Variants in ADGB observed in about 807,000 individuals in gnomAD.
The protein encoded by ADGB is calpain-7-like protein.
ADGB carries 172 observed loss-of-function variants against 210.5 expected under a neutral mutation model. The ratio of observed to expected loss-of-function variants is 0.82; its 90% confidence interval spans 0.72 to 0.93. The LOEUF (loss-of-function observed/expected upper bound fraction) is 0.93, where lower values mean the gene tolerates loss of function less well. Among genes scored for constraint, ADGB ranks in the 40% least tolerant of loss-of-function variants. The pLI is 0.00. For synonymous variants in ADGB, 658 were observed against 662.7 expected (o/e 0.99, Z 0.11); for missense variants, 2,025 against 1,964.8 (o/e 1.03, Z -0.58).
Position 146,724,325 on chromosome 6 carries a change from T to C in ADGB, c.2235T>C (p.Val745=), listed in dbSNP as rs1293920338. The C allele has an allele frequency of 3.9e-6, 6 of 1,531,276 alleles. No individual in the cohort carries two copies. The highest frequency in any genetic ancestry group is 5.3e-6 in the Non-Finnish European group (6 of 1,140,256). The allele number at this position is 1,531,276 out of a possible 1,614,324, so 94.9% of individuals were successfully genotyped here. Reference sequence around the variant, plus strand: ...AGGCTACAGTGGTTCGTCTGCCTGTTGGGTATGAAGTGGCTTCATTTTTCC... The same window carrying C: ...AGGCTACAGTGGTTCGTCTGCCTGTCGGGTATGAAGTGGCTTCATTTTTCC... The part of the protein sequence containing the change: ...ATKATVVRLP[V]GRHMLLFNAY... The change falls in exon 18 of 36, where the codon GTT becomes GTC. Residue 745 remains valine, a splice_region_variant and synonymous_variant. Coordinates refer to ENST00000397944, the MANE Select transcript of ADGB (RefSeq NM_024694.4).
chr6:146,599,200 C>T, intron 1 of ADGB, 86 bp downstream of exon 1: 1 of 1,279,012 alleles, frequency 7.8e-7, no homozygotes, highest in Non-Finnish European at 1.1e-6. Flanking sequence ...CTGCAGCAAA[C>T]TGTGCCAGGG....
chr6:146,683,502 A>C (rs1464005519), intron 9 of ADGB, among the ~76,000 whole-genome samples: 2 of 152,102 alleles, frequency 1.3e-5, no homozygotes, highest in Admixed American at 1.3e-4. Context: ...TAAATATTTA[A>C]AACTTCACCC....
intron 1 of ADGB, among the ~76,000 whole-genome samples, chr6:146,612,728 T>C (rs1780729490): frequency 6.6e-6 from 1 of 152,122 alleles, no homozygotes; most frequent in South Asian, 2.1e-4. Context: ...AGAATGGTCC[T>C]GCTCTTTTTA....
intron 3 of ADGB, among the ~76,000 whole-genome samples, chr6:146,653,904 A>G (rs770408035): frequency 1.3e-5 from 2 of 152,074 alleles, no homozygotes; most frequent in Non-Finnish European, 2.9e-5. Context: ...GAGAACTGAA[A>G]TCAGGGTGGC....
chr6:146,691,459 AAAAT>A (rs1355359035), intron 11 of ADGB, among the ~76,000 whole-genome samples, 169 bp downstream of exon 11: 2 of 44,746 alleles, frequency 4.5e-5, no homozygotes, highest in African/African-American at 4.8e-4. Flanking sequence ...TATATATATA[AAAAT>A]ATATATATAT....
chr6:146,622,651 G>A (rs912029684), intron 1 of ADGB, among the ~76,000 whole-genome samples: 19 of 151,948 alleles, frequency 1.3e-4, no homozygotes, highest in African/African-American at 1.9e-4. Flanking sequence ...TATACTTTTC[G>A]AATATTTTCT....
At chr6:146,748,245 A>G (rs755427574) in intron 26 of ADGB, among the ~76,000 whole-genome samples, 12 of 152,154 alleles carry the variant, frequency 7.9e-5, no homozygotes, top group Non-Finnish European at 1.6e-4. Flanking sequence ...GAAACCAGGT[A>G]AAAGCTTTGA....
chr6:146,760,420 T>C (rs1041006751), intron 27 of ADGB, among the ~76,000 whole-genome samples: 9 of 149,916 alleles, frequency 6.0e-5, no homozygotes, highest in African/African-American at 1.7e-4. Context: ...ATCCATGTTA[T>C]TGCATATAAC....
At chr6:146,672,534 T>C in intron 8 of ADGB, 67 bp downstream of exon 8, 1 of 1,450,722 alleles carries the variant, frequency 6.9e-7, no homozygotes, top group Non-Finnish European at 9.1e-7. Context: ...ACAATTTTAT[T>C]TGATGTGTTG....
In ADGB at chr6:146,801,279, G is replaced by A. The variant is rs911136358; in HGVS notation, c.4634G>A (p.Arg1545Gln). ...TTTATGGATTTAAGTCAATATGTTC[G>A]GTAAGTTTTCATAAACATGATTGAT... Reference protein sequence around the residue: ...LEFMDLSQYVRKTDTDPLLQT... With the variant: ...LEFMDLSQYVQKTDTDPLLQT... Residue 1545 changes from arginine to glutamine, a missense_variant and splice_region_variant, in exon 34 of 36, where the codon CGG becomes CAG. Arg to Gln is a conservative substitution (Grantham distance 43). Transcript: ENST00000397944. The A allele has an allele frequency of 1.4e-5, 20 of 1,467,062 alleles. No homozygotes were observed. The highest frequency in any genetic ancestry group is 1.2e-4 in the African/African-American group (8 of 68,702). The allele number at this position is 1,467,062 out of a possible 1,614,324, so 90.9% of individuals were successfully genotyped here. A position where few individuals can be genotyped will look rare whatever the true frequency, so the allele number is the denominator to read the frequency against.
intron 35 of ADGB, among the ~76,000 whole-genome samples, chr6:146,808,084 C>A (rs1778241112): frequency 6.9e-6 from 1 of 144,514 alleles, no homozygotes; most frequent in African/African-American, 2.5e-5. Context: ...TCTGCAACCT[C>A]TGCCTCCCAG....
chr6:146,705,757 T>C (rs1297858838), intron 13 of ADGB, among the ~76,000 whole-genome samples: 1 of 152,176 alleles, frequency 6.6e-6, no homozygotes, highest in East Asian at 1.9e-4. Flanking sequence ...AGTGTCCTTG[T>C]CTGGCTTTGG....
At chr6:146,813,671 G>C (rs1562309097) in intron 35 of ADGB, among the ~76,000 whole-genome samples, 2 of 152,092 alleles carry the variant, frequency 1.3e-5, no homozygotes, top group Non-Finnish European at 2.9e-5. Context: ...ATCAATGAAT[G>C]GATATTAAAA....
rs140335745 is a variant in ADGB at position 146,746,835 on chromosome 6, G to T, written c.3365+726G>T. Among the ~76,000 whole-genome samples, 398 of 152,174 alleles carry T rather than the reference G, an allele frequency of 2.6e-3. 1 individual carries two copies. The highest frequency in any genetic ancestry group is 9.1e-3 in the African/African-American group (376 of 41,510). The stretch of plus-strand genomic sequence containing the variant: ...CCTAACACAGTGTGCTCTCCTGATG[G>T]AACTAACAACCACCTCCTGATATAT... On this transcript the variant is annotated intron_variant, in intron 26 of 35. Coordinates refer to ENST00000397944, the MANE Select transcript of ADGB (RefSeq NM_024694.4).
chr6:146,655,019 G>A (rs1775760537), intron 4 of ADGB, among the ~76,000 whole-genome samples: 1 of 151,938 alleles, frequency 6.6e-6, no homozygotes. Flanking sequence ...TCAGACTTTT[G>A]TATTTTTAGA....
chr6:146,788,704 A>G (rs1777915725), intron 33 of ADGB, 94 bp downstream of exon 33: 5 of 1,126,678 alleles, frequency 4.4e-6, no homozygotes, highest in Middle Eastern at 2.9e-4. Context: ...GGCTAGGGCT[A>G]TAGAAGTAGA....
chr6:146,671,187 G>T (rs755468996), intron 7 of ADGB, among the ~76,000 whole-genome samples: 88 of 152,268 alleles, frequency 5.8e-4, no homozygotes, highest in Non-Finnish European at 1.1e-3. Context: ...GTCACTAAGG[G>T]ATTGTAGACA....
chr6:146,680,866 G>A (rs1776148400), intron 9 of ADGB, among the ~76,000 whole-genome samples: 1 of 152,108 alleles, frequency 6.6e-6, no homozygotes, highest in Non-Finnish European at 1.5e-5. Context: ...ACAATTAATT[G>A]GAGATAAGGC....
At chr6:146,763,214 C>A (rs993958116) in intron 27 of ADGB, among the ~76,000 whole-genome samples, 1 of 152,120 alleles carries the variant, frequency 6.6e-6, no homozygotes, top group Non-Finnish European at 1.5e-5. Context: ...CAATCCTGGG[C>A]TGTATATTTT....
Sources: gnomAD v4.1 joint callset for allele counts (sites outside exome capture counted in the v4.1 genomes callset) on GRCh38, gnomAD v4.1.1 for gene constraint, MANE v1.5 for transcripts, NCBI Gene and HGNC (gene_info 2026-07-23, HGNC 2026-07-21) for gene names.